PDE4D: variants seen among roughly 807,000 people sequenced by gnomAD.
PDE4D encodes the protein phosphodiesterase 4D.
PDE4D carries 24 observed loss-of-function variants against 87.4 expected under a neutral mutation model. The ratio of observed to expected loss-of-function variants is 0.27; its 90% CI spans 0.20 to 0.39. The LOEUF (loss-of-function observed/expected upper bound fraction) is 0.39, where lower values mean the gene tolerates loss of function less well. PDE4D is among the 10% of genes least tolerant of loss of function. The probability of loss-of-function intolerance (pLI) is 1.00; values close to 1 mark genes in which losing one functional copy is unlikely to be tolerated. For synonymous variants in PDE4D, 384 were observed against 383.2 expected (o/e 1.00, Z -0.02); for missense variants, 714 against 1,041.0 (o/e 0.69, Z 4.32).
At chr5:60,274,983 C>T (rs543540988) in intron 1 of PDE4D, among the ~76,000 whole-genome samples, 5 of 152,318 alleles carry the variant, frequency 3.3e-5, no homozygotes, top group African/African-American at 7.2e-5. Context: ...GATGTGCATG[C>T]ACATTAAAGC....
chr5:59,108,152 T>A (rs1771946964), intron 5 of PDE4D, among the ~76,000 whole-genome samples: 1 of 152,142 alleles, frequency 6.6e-6, no homozygotes, highest in Non-Finnish European at 1.5e-5. Flanking sequence ...AAACTGAGTG[T>A]TTATCAACAT....
At chr5:59,090,959 G>T in intron 5 of PDE4D, 1 of 299,354 alleles carries the variant, frequency 3.3e-6, no homozygotes, top group East Asian at 9.6e-5. Flanking sequence ...AACTTATTTG[G>T]CCTTTGGCTC....
chr5:60,229,550 G>A (rs1315573464), intron 1 of PDE4D, among the ~76,000 whole-genome samples: 1 of 152,066 alleles, frequency 6.6e-6, no homozygotes, highest in Non-Finnish European at 1.5e-5. Flanking sequence ...GAAAATATAA[G>A]TATCATCATC....
chr5:59,092,684 C>T (rs1202572107), intron 5 of PDE4D, among the ~76,000 whole-genome samples: 1 of 152,158 alleles, frequency 6.6e-6, no homozygotes, highest in Admixed American at 6.6e-5. Flanking sequence ...CATTTACTAA[C>T]CTAAACAAGT....
At chr5:59,685,724 A>ATTT (rs10640783) in intron 1 of PDE4D, among the ~76,000 whole-genome samples, 2 of 150,632 alleles carry the variant, frequency 1.3e-5, no homozygotes, top group African/African-American at 4.9e-5. Flanking sequence ...AAAATAACAG[A>ATTT]TTTTTTTTTT....
chr5:59,518,247 A>C (rs920665953), intron 1 of PDE4D, among the ~76,000 whole-genome samples: 7 of 151,788 alleles, frequency 4.6e-5, no homozygotes, highest in African/African-American at 1.7e-4. Flanking sequence ...AGTGGCAAAA[A>C]TAGTGATTTC....
At chr5:60,252,532 G>T (rs1171504916) in intron 1 of PDE4D, among the ~76,000 whole-genome samples, 2 of 151,554 alleles carry the variant, frequency 1.3e-5, no homozygotes. Flanking sequence ...ATAAACTAGG[G>T]TCAGTAGGTT....
chr5:59,587,497 C>T (rs1347841366), intron 1 of PDE4D: 3 of 985,236 alleles, frequency 3.0e-6, no homozygotes, highest in South Asian at 9.4e-5. Flanking sequence ...CTGCTGGAGT[C>T]CCCCAGCGCC....
At chr5:59,394,781 G>A (rs967589369) in intron 1 of PDE4D, among the ~76,000 whole-genome samples, 10 of 152,134 alleles carry the variant, frequency 6.6e-5, no homozygotes, top group African/African-American at 1.2e-4. Flanking sequence ...CCTGAGCGAC[G>A]CAGAAGACAG....
At chr5:60,494,263 G>C (rs1198766106) in intron 1 of PDE4D, among the ~76,000 whole-genome samples, 1 of 152,170 alleles carries the variant, frequency 6.6e-6, no homozygotes, top group African/African-American at 2.4e-5. Flanking sequence ...TGCACTGGGG[G>C]TAGGGGGATC....
intron 2 of PDE4D, among the ~76,000 whole-genome samples, chr5:60,011,167 AT>A: frequency 6.6e-6 from 1 of 152,232 alleles, no homozygotes; most frequent in South Asian, 2.1e-4. Context: ...AAAAGATGTC[AT>A]TTTTCATAGA....
intron 3 of PDE4D, among the ~76,000 whole-genome samples, chr5:59,934,016 A>G (rs553485497): frequency 6.6e-6 from 1 of 152,080 alleles, no homozygotes; most frequent in African/African-American, 2.4e-5. Context: ...CAGAGTCTCA[A>G]TCTATCCTCC....
intron 1 of PDE4D, among the ~76,000 whole-genome samples, chr5:60,190,335 G>A (rs1425065358): frequency 6.6e-6 from 1 of 152,164 alleles, no homozygotes; most frequent in African/African-American, 2.4e-5. Context: ...TGCTTCAGTT[G>A]GCCCTCTGCT....
chr5:59,094,216 C>CAAAA lies in PDE4D; in HGVS notation c.809-55249_809-55246dup, dbSNP rs1164383460. On this transcript the variant is annotated intron_variant, in intron 5 of 14. Transcript: ENST00000340635. ...CTGGTGACAGAGCAAGACTCCGTCT[C>CAAAA]AAAAAAAAAAAAAAAAAAAAAAAAA... 1.2e-3 allele frequency among the ~76,000 whole-genome samples: 18 copies of CAAAA among 14,564 alleles called. 5 individuals carry two copies. The East Asian group carries it at 0.022, about 18-fold the overall frequency. 9.6% of individuals were successfully genotyped at this position (14,564 alleles called of 152,430 possible). A position where few individuals can be genotyped will look rare whatever the true frequency, so the allele number is the denominator to read the frequency against.
chr5:60,391,787 C>T (rs1477912538), intron 1 of PDE4D, among the ~76,000 whole-genome samples: 1 of 152,148 alleles, frequency 6.6e-6, no homozygotes, highest in Non-Finnish European at 1.5e-5. Context: ...GAGATGAGAA[C>T]ATAAACCTCT....
At chr5:60,482,609 G>A (rs1298418679) in intron 1 of PDE4D, among the ~76,000 whole-genome samples, 3 of 152,156 alleles carry the variant, frequency 2.0e-5, no homozygotes, top group Non-Finnish European at 4.4e-5. Flanking sequence ...GAATGAATGA[G>A]AAGAATCTGC....
chr5:59,704,842 C>T (rs1300082299), intron 1 of PDE4D, among the ~76,000 whole-genome samples: 2 of 152,100 alleles, frequency 1.3e-5, no homozygotes, highest in Admixed American at 1.3e-4. Context: ...AACTTACATA[C>T]AAAATGGAAA....
intron 1 of PDE4D, among the ~76,000 whole-genome samples, chr5:59,746,852 T>A (rs1368608662): frequency 2.6e-5 from 4 of 152,088 alleles, no homozygotes; most frequent in African/African-American, 9.7e-5. Context: ...AGTAGGAGTC[T>A]TTCTCATTCT....
chr5:60,436,478 T>G (rs963317887), intron 1 of PDE4D, among the ~76,000 whole-genome samples: 1 of 152,100 alleles, frequency 6.6e-6, no homozygotes, highest in African/African-American at 2.4e-5. Context: ...ACAAGAGCAC[T>G]GTATTTGTAT....
Sources: gnomAD v4.1 joint callset for allele counts (sites outside exome capture counted in the v4.1 genomes callset) on GRCh38, gnomAD v4.1.1 for gene constraint, MANE v1.5 for transcripts, NCBI Gene and HGNC (gene_info 2026-07-23, HGNC 2026-07-21) for gene names.